The following GNAS variants were observed in gnomAD, a reference collection of about 807,000 sequenced individuals.
GNAS encodes GNAS complex locus.
A neutral mutation model predicts 54.5 loss-of-function variants in GNAS; 8 were observed. The observed-to-expected ratio is 0.15, with a 90% CI of 0.09 to 0.26. The LOEUF is 0.26. GNAS is among the 10% of genes least tolerant of loss of function. The probability of loss-of-function intolerance (pLI) is 1.00; values close to 1 mark genes in which losing one functional copy is unlikely to be tolerated. For synonymous variants in GNAS, 204 were observed against 191.4 expected, an observed-to-expected ratio of 1.07 and a Z score of -0.54; for missense variants, 170 against 529.8, an observed-to-expected ratio of 0.32 and a Z score of 6.67.
chr20:58,902,560 C>T (rs979101062), intron 3 of GNAS, among the ~76,000 whole-genome samples: 1 of 151,926 alleles, frequency 6.6e-6, no homozygotes, highest in Admixed American at 6.6e-5. Context: ...CCTTCAACCT[C>T]TACTTACCAG....
intron 1 of GNAS, among the ~76,000 whole-genome samples, chr20:58,869,382 G>A (rs1211179809): frequency 6.6e-6 from 1 of 152,084 alleles, no homozygotes; most frequent in African/African-American, 2.4e-5. Flanking sequence ...CAAATGGTAG[G>A]GCCCTCTGTT....
At chr20:58,849,018 C>T (rs1207032196) in intron 1 of GNAS, 13 of 396,876 alleles carry the variant, frequency 3.3e-5, no homozygotes, top group Non-Finnish European at 4.4e-5. Flanking sequence ...TAAGGCAATT[C>T]CTATTTAAAT....
intron 2 of GNAS, among the ~76,000 whole-genome samples, chr20:58,895,932 A>G (rs996798453): frequency 6.6e-6 from 1 of 152,104 alleles, no homozygotes; most frequent in African/African-American, 2.4e-5. Flanking sequence ...CCCTATCCCA[A>G]GAAAATCGTG....
chr20:58,906,177 G>C (rs1348892188), intron 6 of GNAS, among the ~76,000 whole-genome samples: 1 of 152,204 alleles, frequency 6.6e-6, no homozygotes, highest in Non-Finnish European at 1.5e-5. Context: ...TACTACCTGC[G>C]AGGAGGACAG....
In GNAS at chr20:58,842,801, G is replaced by T. The variant is rs2085789507; in HGVS notation, c.43+1915G>T. On this transcript the variant is annotated intron_variant, in intron 1 of 12. Coordinates refer to the GNAS transcript ENST00000306090. ...CTCTAGGGACAAGCAAGAAAAACTA[G>T]GGATTGTGTTGAATTTCTTTGGTGT... Among the ~76,000 whole-genome samples the T allele has an allele frequency of 2.0e-5, 3 of 152,222 alleles. No homozygotes were observed. The South Asian group carries it at 6.2e-4, about 32-fold the overall frequency.
intron 1 of GNAS, among the ~76,000 whole-genome samples, chr20:58,865,490 G>A (rs184469630): frequency 3.4e-5 from 5 of 145,474 alleles, no homozygotes; most frequent in Non-Finnish European, 6.0e-5. Context: ...TATATAATAT[G>A]ATATATCATA....
chr20:58,892,026 C>A (rs2089439696), intron 1 of GNAS, 161 bp downstream of exon 1: 1 of 833,864 alleles, frequency 1.2e-6, no homozygotes, highest in Non-Finnish European at 1.4e-6. Flanking sequence ...AAGGGGGACC[C>A]AGGGGCGCGG....
chr20:58,893,959 C>T (rs182037086), intron 1 of GNAS, among the ~76,000 whole-genome samples: 3 of 152,338 alleles, frequency 2.0e-5, no homozygotes, highest in East Asian at 3.9e-4. Context: ...GACTACATTA[C>T]ATCATGATGT....
chr20:58,866,203 C>T (rs914814183), intron 1 of GNAS, among the ~76,000 whole-genome samples: 10 of 152,156 alleles, frequency 6.6e-5, no homozygotes, highest in African/African-American at 1.9e-4. Context: ...GTCTCAGGCC[C>T]ATAGAGAACC....
Position 58,854,052 on chromosome 20 carries a change from G to A in GNAS, c.43+13166G>A. On this transcript the variant is annotated intron_variant, in intron 1 of 12. Coordinates refer to the GNAS transcript ENST00000306090. The stretch of plus-strand genomic sequence containing the variant: ...GTTCGCGGCAGTCGCGGCCTCGAGT[G>A]CGGTCCGCCTCACTCCCGCCGCGAA... The A allele has an allele frequency of 6.2e-7, 1 of 1,611,012 alleles. No individual in the cohort carries two copies. Among genetic ancestry groups the A allele is most frequent in the Non-Finnish European group, 8.5e-7 (1 of 1,179,396 alleles).
At chr20:58,870,084 A>G (rs1403965012) in intron 1 of GNAS, among the ~76,000 whole-genome samples, 1 of 152,158 alleles carries the variant, frequency 6.6e-6, no homozygotes, top group African/African-American at 2.4e-5. Context: ...CTCCAATGGG[A>G]ATTTATTTCT....
intron 1 of GNAS, chr20:58,842,469 A>G: frequency 2.5e-6 from 1 of 398,624 alleles, no homozygotes; most frequent in South Asian, 1.3e-4. Flanking sequence ...ATTCCGTAGG[A>G]AAGGCGTCGC....
At chr20:58,890,995 G>C (rs1369383285), upstream of GNAS, among the ~76,000 whole-genome samples, 2 of 151,140 alleles carry the variant, frequency 1.3e-5, no homozygotes, top group South Asian at 2.1e-4. Context: ...GCCCGCGGGA[G>C]GGGGAGGAGG....
intron 1 of GNAS, among the ~76,000 whole-genome samples, chr20:58,843,777 C>T (rs574065251): frequency 5.7e-4 from 87 of 152,236 alleles, no homozygotes; most frequent in Non-Finnish European, 7.9e-4. Flanking sequence ...GAGGGGAGGG[C>T]GACCCAAAGG....
chr20:58,897,417 C>T (rs933814282), intron 2 of GNAS: 3 of 152,138 alleles, frequency 2.0e-5, no homozygotes, highest in Admixed American at 6.5e-5. Flanking sequence ...ATAATTTGAC[C>T]ATGTATCCTC....
At chr20:58,845,887 C>T (rs189268123) in intron 1 of GNAS, among the ~76,000 whole-genome samples, 473 of 152,296 alleles carry the variant, frequency 3.1e-3, no homozygotes, top group Admixed American at 6.0e-3. Context: ...CAACTATTCC[C>T]GGGTAGAAAT....
At chr20:58,894,642 ATG>A (rs1378541024) in intron 1 of GNAS, among the ~76,000 whole-genome samples, 2 of 152,196 alleles carry the variant, frequency 1.3e-5, no homozygotes, top group East Asian at 1.9e-4. Flanking sequence ...CTTGATGGAA[ATG>A]TGTTTTTTCC....
At position 58,853,936 on chromosome 20, in the gene GNAS, T is replaced by G; in HGVS notation, c.43+13050T>G. ...TACAGCCCTCCCCCTGAGGAGACTA[T>G]GCCATTTGAGCTTGATGGAGAAGGA... On this transcript the variant is annotated intron_variant, in intron 1 of 12. Transcript: ENST00000306090. This position sits in a 1 kb window ranked among gnomAD's most constrained non-coding sequence, Gnocchi z 4.4. The G allele has an allele frequency of 2.5e-6, 4 of 1,611,696 alleles. No homozygotes were observed. Among genetic ancestry groups the G allele is most frequent in the Non-Finnish European group, 3.4e-6 (4 of 1,179,414 alleles).
At chr20:58,897,725 AT>A (rs1214171919) in intron 2 of GNAS, 1 of 152,236 alleles carries the variant, frequency 6.6e-6, no homozygotes, top group African/African-American at 2.4e-5. Flanking sequence ...AAGGGCACAG[AT>A]ACGTTAAATT....
Sources: allele counts gnomAD v4.1 joint callset (sites outside exome capture counted in the v4.1 genomes callset), GRCh38; gene constraint gnomAD v4.1.1; non-coding constraint Gnocchi (gnomAD v3.1); transcripts MANE v1.5; gene names NCBI Gene and HGNC (gene_info 2026-07-23, HGNC 2026-07-21).